Variants in PTPRG observed in about 807,000 individuals in gnomAD.
PTPRG encodes the protein receptor-type tyrosine-protein phosphatase gamma.
A neutral mutation model predicts 165.3 loss-of-function variants in PTPRG; 102 were observed. The observed-to-expected ratio is 0.62, with a 90% CI of 0.53 to 0.73. The LOEUF (loss-of-function observed/expected upper bound fraction) is 0.73, where lower values mean the gene tolerates loss of function less well. PTPRG is among the 30% of genes least tolerant of loss of function. The probability of loss-of-function intolerance (pLI) is 0.00; values close to 1 mark genes in which losing one functional copy is unlikely to be tolerated. For missense variants in PTPRG, 1,866 were observed against 1,861.4 expected, an observed-to-expected ratio of 1.00 and a Z score of -0.05; for synonymous variants, 675 against 669.5, an observed-to-expected ratio of 1.01 and a Z score of -0.13.
intron 1 of PTPRG, among the ~76,000 whole-genome samples, chr3:61,624,378 G>C (rs1379478957): frequency 6.6e-6 from 1 of 152,140 alleles, no homozygotes; most frequent in Non-Finnish European, 1.5e-5. Context: ...TGGTCAGTGA[G>C]TTCCAACTAG....
intron 1 of PTPRG, among the ~76,000 whole-genome samples, chr3:61,710,325 T>C (rs1436403632): frequency 6.6e-6 from 1 of 152,250 alleles, no homozygotes; most frequent in Non-Finnish European, 1.5e-5. Flanking sequence ...CAATTATTGA[T>C]ATTTCACTAT....
intron 2 of PTPRG, among the ~76,000 whole-genome samples, chr3:61,806,057 C>T (rs948557102): frequency 6.6e-6 from 1 of 152,186 alleles, no homozygotes; most frequent in African/African-American, 2.4e-5. Context: ...TGCTAAAGTT[C>T]TGGAACAGGC....
chr3:61,694,026 AGAGAG>A (rs376752535), intron 1 of PTPRG, among the ~76,000 whole-genome samples: 76 of 112,962 alleles, frequency 6.7e-4, no homozygotes, highest in African/African-American at 2.5e-3. Context: ...AAAAAAAAAA[AGAGAG>A]AGAGAGAGAG....
intron 1 of PTPRG, among the ~76,000 whole-genome samples, chr3:61,731,160 C>A (rs1051315111): frequency 2.0e-5 from 3 of 152,014 alleles, no homozygotes; most frequent in Non-Finnish European, 4.4e-5. Context: ...ATAGTTTTTA[C>A]CCCCGTTGAG....
intron 2 of PTPRG, among the ~76,000 whole-genome samples, chr3:61,943,125 G>C (rs1444295710): frequency 6.6e-6 from 1 of 152,098 alleles, no homozygotes; most frequent in Non-Finnish European, 1.5e-5. Flanking sequence ...TGATGTTCAG[G>C]TACCAAACAC....
chr3:61,823,756 G>A (rs1575694578), intron 2 of PTPRG, among the ~76,000 whole-genome samples: 1 of 152,322 alleles, frequency 6.6e-6, no homozygotes, highest in South Asian at 2.1e-4. Context: ...AATCAATAAT[G>A]TAGGACAACG....
rs1699944929 is a variant in PTPRG, at chr3:62,195,721, C to G, written c.1327+551C>G. On this transcript the variant is annotated intron_variant, in intron 10 of 29. Coordinates refer to ENST00000474889, the MANE Select transcript of PTPRG (RefSeq NM_002841.4). The surrounding 1 kb of genome is among the most constrained non-coding windows in gnomAD (Gnocchi z 4.4). ...AGGGTGAAGCAAATGGGACATTTGC[C>G]TTTGCTCAAAATTTTAAGGGGCACC... Among the ~76,000 whole-genome samples, 1 of 152,042 alleles carries G rather than the reference C, an allele frequency of 6.6e-6. No homozygotes were observed.
At chr3:61,677,307 G>T (rs1240923778) in intron 1 of PTPRG, among the ~76,000 whole-genome samples, 2 of 151,622 alleles carry the variant, frequency 1.3e-5, no homozygotes, top group Non-Finnish European at 2.9e-5. Flanking sequence ...TGGGACAGGT[G>T]CTGTGTTATA....
chr3:62,251,307 G>C (rs1701412066), intron 15 of PTPRG, among the ~76,000 whole-genome samples: 1 of 151,974 alleles, frequency 6.6e-6, no homozygotes, highest in South Asian at 2.1e-4. Flanking sequence ...ATTGCTTGAG[G>C]CTAGGAGTTC....
At chr3:61,697,676 A>C (rs2030685691) in intron 1 of PTPRG, among the ~76,000 whole-genome samples, 1 of 152,182 alleles carries the variant, frequency 6.6e-6, no homozygotes, top group African/African-American at 2.4e-5. Context: ...AGAATCACTT[A>C]TAAGCTATTG....
rs1700915111 is a variant in PTPRG at position 62,232,007 on chromosome 3, ATTAATATCTT to A, written c.2375+704_2375+713del. Among the ~76,000 whole-genome samples, 3 of 152,182 alleles carry A rather than the reference ATTAATATCTT, an allele frequency of 2.0e-5. No individual in the cohort carries two copies. The South Asian group carries it at 6.2e-4, about 31-fold the overall frequency. On this transcript the variant is annotated intron_variant, in intron 14 of 29. Coordinates refer to ENST00000474889, the MANE Select transcript of PTPRG (RefSeq NM_002841.4). ...CTGTCTTAGGCAAACTGTATTTAAT[ATTAATATCTT>A]TTAATATTAAGTTGCTAATTAGACT...
chr3:61,762,161 C>T (rs1054228825), intron 2 of PTPRG, among the ~76,000 whole-genome samples: 4 of 152,128 alleles, frequency 2.6e-5, no homozygotes, highest in Non-Finnish European at 4.4e-5. Context: ...CCACACTCTC[C>T]TCTTGGGGAG....
At chr3:61,879,884 T>A (rs906740890) in intron 2 of PTPRG, among the ~76,000 whole-genome samples, 1 of 152,208 alleles carries the variant, frequency 6.6e-6, no homozygotes, top group Non-Finnish European at 1.5e-5. Context: ...TATAAGCCTT[T>A]ACGTTATAAT....
chr3:62,220,424 A>T (rs1327553088), intron 13 of PTPRG, among the ~76,000 whole-genome samples: 2 of 152,238 alleles, frequency 1.3e-5, no homozygotes, highest in Non-Finnish European at 2.9e-5. Context: ...ATTGTGTCTC[A>T]GATGAGGGTA....
At chr3:62,179,303 C>T (rs1313319817) in intron 8 of PTPRG, among the ~76,000 whole-genome samples, 1 of 152,178 alleles carries the variant, frequency 6.6e-6, no homozygotes, top group Admixed American at 6.5e-5. Flanking sequence ...CGGTTGCTGG[C>T]TTCACTCCTG....
intron 10 of PTPRG, 121 bp from the exon 11 acceptor site, chr3:62,201,384 T>G: frequency 2.5e-6 from 2 of 788,286 alleles, no homozygotes; most frequent in South Asian, 2.8e-5. Flanking sequence ...GGAAAAAATC[T>G]ACAGAATAAT....
rs765747440 is a variant in PTPRG, at chr3:62,203,580, C to T, written c.1785C>T (p.His595=). Residue 595 remains histidine (H), a synonymous_variant, in exon 12 of 30, where the codon CAC becomes CAT. Coordinates refer to ENST00000474889, the MANE Select transcript of PTPRG (RefSeq NM_002841.4). The surrounding 1 kb of genome is among the most constrained non-coding windows in gnomAD (Gnocchi z 6.4). The part of the protein sequence containing the change: ...KSESEDGERE[H]EEDGEKDSEK... Reference sequence around the variant, plus strand: ...AGAGTGAGGATGGGGAGCGGGAGCACGAGGAGGATGGAGAGAAGGACTCCG... The same window carrying T: ...AGAGTGAGGATGGGGAGCGGGAGCATGAGGAGGATGGAGAGAAGGACTCCG... The T allele has an allele frequency of 1.4e-5, 21 of 1,552,486 alleles. No individual in the cohort carries two copies. Among genetic ancestry groups the T allele is most frequent in the South Asian group, 8.3e-5 (7 of 84,174 alleles).
intron 2 of PTPRG, among the ~76,000 whole-genome samples, chr3:61,819,571 C>T (rs2035893579): frequency 6.6e-6 from 1 of 152,090 alleles, no homozygotes; most frequent in South Asian, 2.1e-4. Context: ...ATATAATTCT[C>T]CATAGGAGAA....
At chr3:61,664,149 T>C (rs1243091941) in intron 1 of PTPRG, among the ~76,000 whole-genome samples, 1 of 152,204 alleles carries the variant, frequency 6.6e-6, no homozygotes, top group Non-Finnish European at 1.5e-5. Context: ...ATTCAAGAAG[T>C]GAACTGTTGG....
Sources: allele counts gnomAD v4.1 joint callset (sites outside exome capture counted in the v4.1 genomes callset), GRCh38; gene constraint gnomAD v4.1.1; non-coding constraint Gnocchi (gnomAD v3.1); transcripts MANE v1.5; gene names NCBI Gene and HGNC (gene_info 2026-07-23, HGNC 2026-07-21).